POLR3E: variants seen among roughly 807,000 people sequenced by gnomAD.
The protein encoded by POLR3E is DNA-directed RNA polymerase III subunit RPC5.
POLR3E carries 41 observed loss-of-function variants against 96.6 expected under a neutral mutation model. That is an observed-to-expected ratio of 0.42 (90% CI 0.33 to 0.55). POLR3E has a LOEUF of 0.55. Among genes scored for constraint, POLR3E ranks in the 20% least tolerant of loss-of-function variants. POLR3E has a pLI of 0.06. For synonymous variants in POLR3E, 396 were observed against 383.6 expected, an observed-to-expected ratio of 1.03 and a Z score of -0.38; for missense variants, 849 against 952.1, an observed-to-expected ratio of 0.89 and a Z score of 1.43.
intron 6 of POLR3E, 159 bp downstream of exon 6, chr16:22,309,669 C>T: frequency 1.5e-6 from 1 of 674,622 alleles, no homozygotes; most frequent in Non-Finnish European, 2.7e-6. Flanking sequence ...GACACATTGT[C>T]AGGGGACTGG....
chr16:22,308,959 C>G lies in POLR3E; in HGVS notation c.200C>G (p.Pro67Arg), dbSNP rs368180184. Reference sequence around the variant, plus strand: ...GAGATGGCCATCGACACCCTGAACCCCAACTATTGCCGCAGCAAAGGGGAG... The same window carrying G: ...GAGATGGCCATCGACACCCTGAACCGCAACTATTGCCGCAGCAAAGGGGAG... ...ELEMAIDTLN[P>R]NYCRSKGEQI... is the part of the protein sequence containing the mutation. Residue 67 changes from proline to arginine, a missense_variant, in exon 5 of 21, where the codon CCC becomes CGC. Physicochemically the swap from Pro to Arg is moderately radical, Grantham distance 103. Transcript: ENST00000299853. 6.2e-7 allele frequency: 1 copy of G among 1,614,068 alleles called. No individual in the cohort carries two copies. Among genetic ancestry groups the G allele is most frequent in the Non-Finnish European group, 8.5e-7 (1 of 1,179,970 alleles).
intron 13 of POLR3E, among the ~76,000 whole-genome samples, chr16:22,320,259 T>C (rs2048442071): frequency 6.6e-6 from 1 of 152,092 alleles, no homozygotes; most frequent in South Asian, 2.1e-4. Flanking sequence ...AGCACAGGAT[T>C]GGTGTATTTT....
rs151259409 is a variant in POLR3E at position 22,318,461 on chromosome 16, G to A, written c.866-365G>A. Among the ~76,000 whole-genome samples, 1 of 152,280 alleles carries A rather than the reference G, an allele frequency of 6.6e-6. No individual in the cohort carries two copies. The highest frequency in any genetic ancestry group is 1.5e-5 in the Non-Finnish European group (1 of 68,016). ...GCGGGAGCAGAGCACAGTGATTGAG[G>A]GTACCAAGTGGAGCCAAGTGGCTTG... On this transcript the variant is annotated intron_variant, in intron 12 of 20. Transcript: ENST00000299853. This position sits in a 1 kb window ranked among gnomAD's most constrained non-coding sequence, Gnocchi z 5.0.
chr16:22,306,013 T>G (rs1230885120), intron 3 of POLR3E, among the ~76,000 whole-genome samples: 1 of 152,162 alleles, frequency 6.6e-6, no homozygotes, highest in Non-Finnish European at 1.5e-5. Flanking sequence ...TTGGGACAGT[T>G]TTGTCCCCCT....
intron 2 of POLR3E, among the ~76,000 whole-genome samples, chr16:22,304,110 A>C (rs16972397): frequency 0.068 from 10,332 of 152,078 alleles, 614 homozygotes; most frequent in African/African-American, 0.15. Context: ...CATGGCCGGC[A>C]CAGGTTTCCC....
chr16:22,313,722 A>G lies in POLR3E; in HGVS notation c.467A>G (p.Asn156Ser), dbSNP rs1224832754. 43 of 1,608,986 alleles carry G rather than the reference A, an allele frequency of 2.7e-5. No homozygotes were observed. The highest frequency in any genetic ancestry group is 3.7e-5 in the Non-Finnish European group (43 of 1,177,040). Residue 156 changes from asparagine to serine, a missense_variant, in exon 7 of 21, where the codon AAC becomes AGC. Coordinates refer to ENST00000299853, the MANE Select transcript of POLR3E (RefSeq NM_018119.4). This position sits in a 1 kb window ranked among gnomAD's most constrained non-coding sequence, Gnocchi z 4.1. The part of the protein sequence containing the change: ...DAKHREREAA[N>S]EAGDSSQDEA... ...AAGCACCGGGAGAGGGAGGCGGCCA[A>G]CGAGGGTGAGCCCGGGATCCCCAGC... is the stretch of plus-strand genomic sequence containing the variant.
chr16:22,325,598 C>G (rs563309061), intron 17 of POLR3E, among the ~76,000 whole-genome samples, 163 bp from the exon 18 acceptor site: 1 of 152,148 alleles, frequency 6.6e-6, no homozygotes, highest in Non-Finnish European at 1.5e-5. Context: ...ACTCTCGGCA[C>G]GCTGGGACGG....
intron 1 of POLR3E, among the ~76,000 whole-genome samples, chr16:22,300,369 A>G (rs1241597462): frequency 6.6e-6 from 1 of 152,178 alleles, no homozygotes; most frequent in Non-Finnish European, 1.5e-5. Context: ...GGATGAAGGG[A>G]GGTGACACTC....
rs762480582 is a variant in POLR3E at position 22,322,805 on chromosome 16, G to A, written c.987-45G>A. Reference sequence around the variant, plus strand: ...GGCCGGGAGGGGTAGCGGTAGAGGGGGCTCAGGGCAGGGACTGACCTGCCA... The same window carrying A: ...GGCCGGGAGGGGTAGCGGTAGAGGGAGCTCAGGGCAGGGACTGACCTGCCA... On this transcript the variant is annotated intron_variant, in intron 13 of 20. Transcript: ENST00000299853. This position sits in a 1 kb window ranked among gnomAD's most constrained non-coding sequence, Gnocchi z 5.2. 43 of 1,367,774 alleles carry A rather than the reference G, an allele frequency of 3.1e-5. No homozygotes were observed. The highest frequency in any genetic ancestry group is 4.4e-5 in the Non-Finnish European group (42 of 959,792). 84.7% of individuals were successfully genotyped at this position (1,367,774 alleles called of 1,614,324 possible). A position where few individuals can be genotyped will look rare whatever the true frequency, so the allele number is the denominator to read the frequency against.
chr16:22,321,672 C>G (rs1157379088), intron 13 of POLR3E, among the ~76,000 whole-genome samples: 1 of 152,254 alleles, frequency 6.6e-6, no homozygotes, highest in Non-Finnish European at 1.5e-5. Flanking sequence ...CTGTTAAAAC[C>G]TAAGCCTCAT....
chr16:22,309,172 G>T, intron 5 of POLR3E, 132 bp downstream of exon 5: 1 of 684,840 alleles, frequency 1.5e-6, no homozygotes. Context: ...TGGAGGGCTG[G>T]GCCTGTCTCA....
intron 1 of POLR3E, among the ~76,000 whole-genome samples, chr16:22,301,861 T>C (rs56785408): frequency 0.051 from 7,704 of 150,838 alleles, 481 homozygotes; most frequent in African/African-American, 0.15. Flanking sequence ...GAGGCAGAGG[T>C]TGCAGTGAGC....
Position 22,318,496 on chromosome 16 carries a change from C to G in POLR3E, c.866-330C>G, listed in dbSNP as rs113274725. ...GGAGCCAAGTGGCTTGGGTTCACTT[C>G]CTGGCTCTGCTACTTCCTAGCCAAG... is the stretch of plus-strand genomic sequence containing the variant. On this transcript the variant is annotated intron_variant, in intron 12 of 20. Transcript: ENST00000299853. The surrounding 1 kb of genome is among the most constrained non-coding windows in gnomAD (Gnocchi z 5.0). Among the ~76,000 whole-genome samples, 4 of 152,334 alleles carry G rather than the reference C, an allele frequency of 2.6e-5. No homozygotes were observed. Among genetic ancestry groups the G allele is most frequent in the African/African-American group, 7.2e-5 (3 of 41,578 alleles).
intron 19 of POLR3E, 121 bp from the exon 20 acceptor site, chr16:22,331,939 C>T (rs765277272): frequency 4.3e-6 from 4 of 929,902 alleles, no homozygotes; most frequent in East Asian, 2.4e-5. Flanking sequence ...AGAGGTGCTG[C>T]GTGAGGGTTT....
At position 22,332,064 on chromosome 16, in the gene POLR3E, G is replaced by A. The variant is rs1018078412; in HGVS notation, c.1949G>A (p.Arg650Gln). Residue 650 changes from arginine to glutamine, a missense_variant, in exon 20 of 21, where the codon CGA (arginine) becomes CAA (glutamine). Physicochemically the swap from Arg to Gln is conservative, Grantham distance 43. Coordinates refer to ENST00000299853, the MANE Select transcript of POLR3E (RefSeq NM_018119.4). ...AACGTGTTTTTGCTACTAAAGCATC[G>A]ACAGGTTTTGCTTGAAATTTTTTCC... ...WESGDMSDQH[R>Q]QVLLEIFSKN... 4.3e-6 allele frequency: 7 copies of A among 1,613,176 alleles called. No individual in the cohort carries two copies. Among genetic ancestry groups the A allele is most frequent in the Middle Eastern group, 1.6e-4 (1 of 6,062 alleles).
In POLR3E at chr16:22,317,001, C is replaced by G; in HGVS notation, c.735C>G (p.Tyr245Ter). The change falls in exon 11 of 21, where the codon TAC becomes TAG. Residue 245 changes from tyrosine to a stop codon, truncating the protein, a stop_gained. Transcript: ENST00000299853. LOFTEE classifies it high-confidence loss of function. ...NTELVKSPSE[Y>*]LMMLMPPSQE... ...CCCTGCCATGTCCCTGCAGTGAGTA[C>G]CTGATGATGCTGATGCCACCCAGCC... 1 of 1,614,132 alleles carries G rather than the reference C, an allele frequency of 6.2e-7. No individual in the cohort carries two copies. Among genetic ancestry groups the G allele is most frequent in the South Asian group, 1.1e-5 (1 of 91,086 alleles).
chr16:22,297,442 GGCC>G lies in POLR3E; in HGVS notation c.-127_-125del, dbSNP rs1264574456. 2 of 152,478 alleles carry G rather than the reference GGCC, an allele frequency of 1.3e-5. No homozygotes were observed. The highest frequency in any genetic ancestry group is 4.8e-5 in the African/African-American group (2 of 41,474). 9.4% of individuals were successfully genotyped at this position (152,478 alleles called of 1,614,324 possible). On this transcript the variant is annotated 5_prime_UTR_variant, in exon 1 of 21. Transcript: ENST00000299853. Reference sequence around the variant, plus strand: ...GCCGGAGTTTCTCCACCAGCAACATGGCCGCCGCCTGAGAGGAGAGCCGGGCCG... The same window carrying G: ...GCCGGAGTTTCTCCACCAGCAACATGGCCGCCTGAGAGGAGAGCCGGGCCG...
intron 1 of POLR3E, chr16:22,299,086 G>T: frequency 2.2e-6 from 1 of 455,994 alleles, no homozygotes; most frequent in South Asian, 1.5e-5. Context: ...ACAGAGATGT[G>T]GTAGGGCCTG....
intron 1 of POLR3E, chr16:22,299,008 GACAA>G (rs1391726287): frequency 4.4e-6 from 2 of 455,986 alleles, no homozygotes; most frequent in Non-Finnish European, 8.8e-6. Context: ...TATTGCAGAA[GACAA>G]ACAACACCTG....
Sources: allele counts gnomAD v4.1 joint callset (sites outside exome capture counted in the v4.1 genomes callset), GRCh38; gene constraint gnomAD v4.1.1; non-coding constraint Gnocchi (gnomAD v3.1); transcripts MANE v1.5; gene names NCBI Gene and HGNC (gene_info 2026-07-23, HGNC 2026-07-21).